SHQ1: variants seen among roughly 807,000 people sequenced by gnomAD.
The protein encoded by SHQ1 is protein SHQ1 homolog.
A neutral mutation model predicts 53.8 loss-of-function variants in SHQ1; 49 were observed. The ratio of observed to expected loss-of-function variants is 0.91; its 90% confidence interval spans 0.72 to 1.16. The LOEUF (loss-of-function observed/expected upper bound fraction) is 1.16. SHQ1 is among the 50% of genes most tolerant of loss of function. The pLI is 0.00. For synonymous variants in SHQ1, 243 were observed against 251.0 expected, an observed-to-expected ratio of 0.97 and a Z score of 0.30; for missense variants, 738 against 683.1, an observed-to-expected ratio of 1.08 and a Z score of -0.90.
intron 10 of SHQ1, among the ~76,000 whole-genome samples, chr3:72,760,923 A>G (rs1705597077): frequency 6.6e-6 from 1 of 152,200 alleles, no homozygotes; most frequent in African/African-American, 2.4e-5. Context: ...AAAAATCACA[A>G]AATAGACCTT....
chr3:72,757,155 G>A (rs1314339152), intron 10 of SHQ1, among the ~76,000 whole-genome samples: 3 of 152,066 alleles, frequency 2.0e-5, no homozygotes, highest in East Asian at 1.9e-4. Context: ...CAGAGTAACC[G>A]ACTAGGTTTC....
chr3:72,826,948 T>C (rs1370320774), intron 5 of SHQ1, among the ~76,000 whole-genome samples: 1 of 152,206 alleles, frequency 6.6e-6, no homozygotes, highest in African/African-American at 2.4e-5. Context: ...AACATCACTC[T>C]TATTGCAGCC....
At chr3:72,818,986 ATC>A (rs1438404906) in intron 6 of SHQ1, among the ~76,000 whole-genome samples, 3 of 152,192 alleles carry the variant, frequency 2.0e-5, no homozygotes, top group Non-Finnish European at 4.4e-5. Context: ...AGCCTCCAAC[ATC>A]TGTTTTTTAA....
intron 4 of SHQ1, among the ~76,000 whole-genome samples, chr3:72,837,305 T>A (rs1708031825): frequency 1.3e-5 from 2 of 152,238 alleles, no homozygotes. Context: ...TATTTTATTT[T>A]CTTATTATCA....
At chr3:72,734,179 C>T in the SHQ1 span, among the ~76,000 whole-genome samples, 1 of 151,338 alleles carries the variant, frequency 6.6e-6, no homozygotes, top group Non-Finnish European at 1.5e-5. Context: ...AAAAAGATAT[C>T]AGGCCTGTAA....
At chr3:72,732,508 AG>A in the SHQ1 span, among the ~76,000 whole-genome samples, 1 of 149,694 alleles carries the variant, frequency 6.7e-6, no homozygotes, top group Admixed American at 6.7e-5. Flanking sequence ...GGGCTTTACC[AG>A]GTACTTTGGA....
intron 10 of SHQ1, chr3:72,753,763 G>A (rs1705439814): frequency 2.3e-6 from 1 of 429,636 alleles, no homozygotes; most frequent in East Asian, 1.6e-4. Context: ...TCAGTCTGAG[G>A]CATTTTTAAA....
In SHQ1 at chr3:72,750,401, T is replaced by C. The variant is rs1447666875; in HGVS notation, c.1617A>G (p.Ile539Met). ...SWPLGVSGPL[I>M]EELGEQLKTT... ...TCTTCAGTTGTTCCCCAAGCTCCTC[T>C]ATCAGAGGCCCAGACACTCCAAGAG... Residue 539 changes from isoleucine (I) to methionine (M), a missense_variant, in exon 11 of 11, where the codon ATA becomes ATG. Coordinates refer to ENST00000325599, the MANE Select transcript of SHQ1 (RefSeq NM_018130.3). 1 of 1,614,176 alleles carries C rather than the reference T, an allele frequency of 6.2e-7. No homozygotes were observed. The highest frequency in any genetic ancestry group is 8.5e-7 in the Non-Finnish European group (1 of 1,180,018).
chr3:72,837,630 A>G (rs1273499296), intron 4 of SHQ1, among the ~76,000 whole-genome samples: 1 of 152,272 alleles, frequency 6.6e-6, no homozygotes, highest in Non-Finnish European at 1.5e-5. Flanking sequence ...TAAACTTGTG[A>G]GAAAATACTA....
intron 10 of SHQ1, among the ~76,000 whole-genome samples, chr3:72,766,994 C>T (rs577942425): frequency 6.6e-6 from 1 of 152,278 alleles, no homozygotes; most frequent in East Asian, 1.9e-4. Flanking sequence ...AAAATAGCCA[C>T]ATGTGGCAAT....
chr3:72,778,341 C>G (rs115253512), intron 10 of SHQ1, among the ~76,000 whole-genome samples: 3 of 151,768 alleles, frequency 2.0e-5, no homozygotes, highest in Non-Finnish European at 4.4e-5. Flanking sequence ...CCTAACTACT[C>G]GGGAGGATGA....
chr3:72,847,850 GGA>G (rs1334799676), intron 1 of SHQ1, among the ~76,000 whole-genome samples: 6 of 152,148 alleles, frequency 3.9e-5, no homozygotes, highest in African/African-American at 1.4e-4. Context: ...GGAGAGACTG[GGA>G]GAGCAAACGC....
intron 9 of SHQ1, among the ~76,000 whole-genome samples, chr3:72,803,144 G>C (rs1470630808): frequency 6.6e-6 from 1 of 152,190 alleles, no homozygotes; most frequent in Non-Finnish European, 1.5e-5. Flanking sequence ...GGGCCTCCCA[G>C]GCTGACCTGG....
intron 10 of SHQ1, chr3:72,753,055 A>ATT: frequency 1.0e-6 from 1 of 985,210 alleles, no homozygotes; most frequent in Non-Finnish European, 1.2e-6. Context: ...GGATGCATTT[A>ATT]GTTGTTTTTT....
chr3:72,814,855 T>C (rs1214962651), intron 8 of SHQ1, among the ~76,000 whole-genome samples: 1 of 152,202 alleles, frequency 6.6e-6, no homozygotes. Flanking sequence ...AGATTTAAGC[T>C]ATATGATCTA....
At chr3:72,840,941 C>G (rs1396704604) in intron 4 of SHQ1, 104 bp downstream of exon 4, 1 of 1,317,990 alleles carries the variant, frequency 7.6e-7, no homozygotes, top group Admixed American at 2.4e-5. Context: ...CAATCACCTC[C>G]TGTAATATTA....
At chr3:72,803,081 T>A (rs774909136) in intron 9 of SHQ1, among the ~76,000 whole-genome samples, 1 of 152,134 alleles carries the variant, frequency 6.6e-6, no homozygotes, top group Non-Finnish European at 1.5e-5. Flanking sequence ...CAAGAGGGTA[T>A]GAGAAAGACA....
At chr3:72,781,106 C>T (rs561495455) in intron 10 of SHQ1, among the ~76,000 whole-genome samples, 2 of 148,694 alleles carry the variant, frequency 1.3e-5, no homozygotes, top group African/African-American at 5.0e-5. Context: ...GTCACCCAGG[C>T]TAGAGTGCAG....
At chr3:72,804,154 C>T (rs2106831699) in intron 9 of SHQ1, among the ~76,000 whole-genome samples, 1 of 152,220 alleles carries the variant, frequency 6.6e-6, no homozygotes, top group South Asian at 2.1e-4. Context: ...AAACTCCTGG[C>T]TTCAAGAGAT....
Sources: allele counts gnomAD v4.1 joint callset (sites outside exome capture counted in the v4.1 genomes callset), GRCh38; gene constraint gnomAD v4.1.1; transcripts MANE v1.5; gene names NCBI Gene and HGNC (gene_info 2026-07-23, HGNC 2026-07-21).